NFAT5: variants seen among roughly 807,000 people sequenced by gnomAD.
The protein encoded by NFAT5 is nuclear factor of activated T cells 5.
NFAT5 carries 31 observed loss-of-function variants against 166.5 expected under a neutral mutation model. The ratio of observed to expected loss-of-function variants is 0.19; its 90% CI spans 0.14 to 0.25. The LOEUF is 0.25. NFAT5 is among the 10% of genes least tolerant of loss of function. The probability of loss-of-function intolerance (pLI) is 1.00; values close to 1 mark genes in which losing one functional copy is unlikely to be tolerated. For missense variants in NFAT5, 1,449 were observed against 1,821.8 expected, an observed-to-expected ratio of 0.80 and a Z score of 3.72; for synonymous variants, 612 against 639.7, an observed-to-expected ratio of 0.96 and a Z score of 0.65.
chr16:69,570,708 G>A (rs1322186342), intron 2 of NFAT5, among the ~76,000 whole-genome samples: 1 of 152,142 alleles, frequency 6.6e-6, no homozygotes, highest in Non-Finnish European at 1.5e-5. Flanking sequence ...ACAGAGTGCT[G>A]CAGGAGGCTA....
In NFAT5 at chr16:69,626,397, C is replaced by G. The variant is rs745386665; in HGVS notation, c.128-6C>G. 2 of 1,557,126 alleles carry G rather than the reference C, an allele frequency of 1.3e-6. No homozygotes were observed. On this transcript the variant is annotated splice_polypyrimidine_tract_variant and splice_region_variant and intron_variant, in intron 2 of 14. Coordinates refer to ENST00000349945, the MANE Select transcript of NFAT5 (RefSeq NM_138713.4). ...TTGTTTTCTCCTCTCTTTCCCCTCC[C>G]CACAGAATCTGTCTATGATCTTCTC...
chr16:69,674,344 C>T (rs907284806), intron 9 of NFAT5, among the ~76,000 whole-genome samples: 2 of 151,638 alleles, frequency 1.3e-5, no homozygotes. Context: ...TCTTCTGGTC[C>T]ATAGTATACC....
At chr16:69,660,274 A>G (rs377152978) in intron 7 of NFAT5, among the ~76,000 whole-genome samples, 1 of 152,128 alleles carries the variant, frequency 6.6e-6, no homozygotes, top group East Asian at 1.9e-4. Context: ...AAAAAAATAT[A>G]TATAATAAGT....
rs774026222 is a variant in NFAT5, at chr16:69,670,019, A to G, written c.1412A>G (p.His471Arg). 3.1e-6 allele frequency: 5 copies of G among 1,612,036 alleles called. No individual in the cohort carries two copies. Among genetic ancestry groups the G allele is most frequent in the Non-Finnish European group, 4.2e-6 (5 of 1,179,354 alleles). Residue 471 changes from histidine to arginine, a missense_variant, in exon 8 of 15, where the codon CAT becomes CGT. This residue lies in a region of NFAT5 where 245 missense variants were observed against 366.6 expected (regional missense o/e 0.67). Transcript: ENST00000349945. ...CCAGAAATCTTAAAGAAAAGCTTGC[A>G]TAGCTGTTCAGTGAAAGGAGAAGAA... is the stretch of plus-strand genomic sequence containing the variant. ...GVPEILKKSL[H>R]SCSVKGEEEV...
intron 2 of NFAT5, among the ~76,000 whole-genome samples, chr16:69,575,258 C>A (rs1199756119): frequency 6.6e-6 from 1 of 152,132 alleles, no homozygotes; most frequent in Non-Finnish European, 1.5e-5. Flanking sequence ...ACCTCCGTCT[C>A]TTGGGTTCAA....
chr16:69,567,207 G>A (rs1379849050), intron 1 of NFAT5, among the ~76,000 whole-genome samples: 1 of 152,190 alleles, frequency 6.6e-6, no homozygotes. Context: ...GTTGCAGGGA[G>A]GGAGCTCAGG....
chr16:69,635,426 G>T (rs573476358), intron 3 of NFAT5, among the ~76,000 whole-genome samples: 1 of 151,536 alleles, frequency 6.6e-6, no homozygotes. Flanking sequence ...TTGAAGTTTC[G>T]CACACCAGTC....
chr16:69,589,099 A>T (rs1216190972), intron 2 of NFAT5, among the ~76,000 whole-genome samples: 1 of 143,222 alleles, frequency 7.0e-6, no homozygotes, highest in Non-Finnish European at 1.5e-5. Context: ...GGTACAAGTG[A>T]TTCTCCTGCC....
intron 3 of NFAT5, among the ~76,000 whole-genome samples, chr16:69,638,988 T>C (rs2035091283): frequency 6.6e-6 from 1 of 152,202 alleles, no homozygotes; most frequent in Non-Finnish European, 1.5e-5. Flanking sequence ...CCTGGTATAT[T>C]TGGCAGTGTA....
At position 69,691,977 on chromosome 16, in the gene NFAT5, A is replaced by G; in HGVS notation, c.2152A>G (p.Asn718Asp). 6.2e-7 allele frequency: 1 copy of G among 1,614,206 alleles called. No individual in the cohort carries two copies. The highest frequency in any genetic ancestry group is 1.7e-5 in the Admixed American group (1 of 60,024). The change falls in exon 13 of 15, where the codon AAC becomes GAC. Residue 718 changes from asparagine (N) to aspartate (D), a missense_variant. Around this residue, in one of 7 missense-constraint regions of NFAT5, gnomAD observed 891 missense variants for 993.0 expected, o/e 0.90. Transcript: ENST00000349945. ...AGTTTCTGCTTCTAGTCAGCTGCCC[A>G]ACAGCGATGCACTATTGCAGCAGGC... is the stretch of plus-strand genomic sequence containing the variant. ...PAVSASSQLPNSDALLQQATQ... is the reference protein window; with the variant it reads ...PAVSASSQLPDSDALLQQATQ...
At chr16:69,599,161 A>T (rs963741340) in intron 2 of NFAT5, among the ~76,000 whole-genome samples, 5 of 152,044 alleles carry the variant, frequency 3.3e-5, no homozygotes, top group African/African-American at 4.8e-5. Flanking sequence ...TTTTGAGGTG[A>T]TGAAAATGTT....
chr16:69,682,165 C>G (rs1279984849), intron 10 of NFAT5, among the ~76,000 whole-genome samples: 1 of 149,268 alleles, frequency 6.7e-6, no homozygotes, highest in African/African-American at 2.5e-5. Flanking sequence ...TGAAGCTTTG[C>G]TTAGCCATTA....
intron 12 of NFAT5, among the ~76,000 whole-genome samples, 171 bp downstream of exon 12, chr16:69,691,259 A>G (rs1215816201): frequency 1.3e-5 from 2 of 152,210 alleles, no homozygotes; most frequent in African/African-American, 4.8e-5. Context: ...CCAATATACA[A>G]GGGAGGAATT....
intron 7 of NFAT5, among the ~76,000 whole-genome samples, chr16:69,669,761 C>G (rs1020305580): frequency 6.6e-6 from 1 of 152,218 alleles, no homozygotes; most frequent in Non-Finnish European, 1.5e-5. Flanking sequence ...TGGCACATTA[C>G]TTCAGTTCAT....
chr16:69,646,382 A>G (rs577329472), intron 3 of NFAT5: 9 of 251,968 alleles, frequency 3.6e-5, no homozygotes, highest in Non-Finnish European at 6.9e-5. Context: ...AACAAATCAT[A>G]GTGACAATAC....
At chr16:69,610,719 A>G (rs149615408) in intron 2 of NFAT5, among the ~76,000 whole-genome samples, 2 of 152,362 alleles carry the variant, frequency 1.3e-5, no homozygotes, top group Non-Finnish European at 2.9e-5. Flanking sequence ...TACACCAAAT[A>G]CTTTCACCAC....
At chr16:69,634,078 G>A (rs1364767085) in intron 3 of NFAT5, among the ~76,000 whole-genome samples, 3 of 151,938 alleles carry the variant, frequency 2.0e-5, no homozygotes, top group African/African-American at 7.3e-5. Flanking sequence ...AGGAGTTTGA[G>A]AGCAGCCTAG....
At position 69,696,861 on chromosome 16, in the gene NFAT5, C is replaced by A. The variant is rs1036955349; in HGVS notation, c.*510C>A. 2 of 152,476 alleles carry A rather than the reference C, an allele frequency of 1.3e-5. No individual in the cohort carries two copies. Among genetic ancestry groups the A allele is most frequent in the Admixed American group, 1.3e-4 (2 of 15,278 alleles). 9.4% of individuals were successfully genotyped at this position (152,476 alleles called of 1,614,324 possible). A position where few individuals can be genotyped will look rare whatever the true frequency, so the allele number is the denominator to read the frequency against. Reference sequence around the variant, plus strand: ...TGGCCAAAGTGAAGGAATCTTTTTTCAGTTTTATTGGAGAAACTGAAGGGT... The same window carrying A: ...TGGCCAAAGTGAAGGAATCTTTTTTAAGTTTTATTGGAGAAACTGAAGGGT... On this transcript the variant is annotated 3_prime_UTR_variant, in exon 15 of 15. Transcript: ENST00000349945.
At chr16:69,598,380 TAAAAAAAAAA>T (rs374912279) in intron 2 of NFAT5, among the ~76,000 whole-genome samples, 8,682 of 119,008 alleles carry the variant, frequency 0.073, 296 homozygotes, top group Middle Eastern at 0.13. Flanking sequence ...CCTGTCTCTT[TAAAAAAAAAA>T]AAAAAAAAAA....
Sources: allele counts gnomAD v4.1 joint callset (sites outside exome capture counted in the v4.1 genomes callset), GRCh38; gene constraint gnomAD v4.1.1; regional missense constraint gnomAD v4.1.1; transcripts MANE v1.5; gene names NCBI Gene and HGNC (gene_info 2026-07-23, HGNC 2026-07-21).